The following NLE1 variants were observed in gnomAD, a reference collection of about 807,000 sequenced individuals.
NLE1 encodes the protein notchless homolog 1.
In NLE1, 37 loss-of-function variants were observed where a neutral mutation model predicts 62.8. The ratio of observed to expected loss-of-function variants is 0.59; its 90% CI spans 0.45 to 0.78. The LOEUF is 0.78. NLE1 is among the 30% of genes least tolerant of loss of function. The pLI is 0.00. For missense variants in NLE1, 555 were observed against 637.9 expected (o/e 0.87, Z 1.40); for synonymous variants, 243 against 253.0 (o/e 0.96, Z 0.37).
At chr17:35,136,838 C>CACCA (rs2091911754) in intron 7 of NLE1, among the ~76,000 whole-genome samples, 163 bp downstream of exon 7, 1 of 152,270 alleles carries the variant, frequency 6.6e-6, no homozygotes, top group South Asian at 2.1e-4. Context: ...TATGGTGCAG[C>CACCA]ACCAACCACA....
intron 2 of NLE1, among the ~76,000 whole-genome samples, chr17:35,141,023 G>T (rs1306299212): frequency 1.3e-5 from 2 of 152,162 alleles, no homozygotes; most frequent in East Asian, 3.8e-4. Context: ...ATTAATTCAG[G>T]TTCTTTACGT....
At chr17:35,132,482 T>C in intron 12 of NLE1, 33 bp from the exon 13 acceptor site, 2 of 1,361,220 alleles carry the variant, frequency 1.5e-6, no homozygotes, top group Non-Finnish European at 1.9e-6. Context: ...AGGATGGGGA[T>C]TCCACCTTAG....
At position 35,129,532 on chromosome 17, in the gene NLE1, A is replaced by G; in HGVS notation, c.*2905T>C. ...AGTTGCCCGAGGCAAAGAATCGTCC[A>G]TGGATCTTCAACAAGATTTTGGGCA... On this transcript the variant is annotated 3_prime_UTR_variant, in exon 13 of 13. Coordinates refer to ENST00000442241, the MANE Select transcript of NLE1 (RefSeq NM_018096.5). 4 of 1,614,232 alleles carry G rather than the reference A, an allele frequency of 2.5e-6. No individual in the cohort carries two copies. Among genetic ancestry groups the G allele is most frequent in the Non-Finnish European group, 2.5e-6 (3 of 1,180,040 alleles).
rs1567741831 is a variant in NLE1, at chr17:35,129,887, C to T, written c.*2550G>A. ...CAAACGAATGTATTTTTCAACATCA[C>T]TATAATGTTCCCCTTCCAAAGCCAT... On this transcript the variant is annotated 3_prime_UTR_variant, in exon 13 of 13. Coordinates refer to ENST00000442241, the MANE Select transcript of NLE1 (RefSeq NM_018096.5). 7.1e-7 allele frequency: 1 copy of T among 1,408,426 alleles called. No individual in the cohort carries two copies. Among genetic ancestry groups the T allele is most frequent in the South Asian group, 1.6e-5 (1 of 63,488 alleles). The allele number at this position is 1,408,426 out of a possible 1,614,324, so 87.2% of individuals were successfully genotyped here. A position where few individuals can be genotyped will look rare whatever the true frequency, so the allele number is the denominator to read the frequency against.
Position 35,137,596 on chromosome 17 carries a change from G to T in NLE1, c.582C>A (p.Thr194=). The T allele has an allele frequency of 6.2e-7, 1 of 1,610,812 alleles. No homozygotes were observed. The highest frequency in any genetic ancestry group is 8.5e-7 in the Non-Finnish European group (1 of 1,179,998). Residue 194 remains threonine, a synonymous_variant, in exon 6 of 13, where the codon ACC becomes ACA. Coordinates refer to ENST00000442241, the MANE Select transcript of NLE1 (RefSeq NM_018096.5). ...TGATCCACTTGCTGTGGCCAGCGAGGGTCCTGCCCACCTGCTTCCCTGTGC... is the reference window on the plus strand; with the variant it reads ...TGATCCACTTGCTGTGGCCAGCGAGTGTCCTGCCCACCTGCTTCCCTGTGC... The part of the protein sequence containing the change: ...DPSTGKQVGR[T]LAGHSKWITG...
chr17:35,135,566 C>A (rs530569639), intron 9 of NLE1, 115 bp from the exon 10 acceptor site: 1 of 900,106 alleles, frequency 1.1e-6, no homozygotes, highest in East Asian at 2.6e-5. Flanking sequence ...CAGAGAGAGG[C>A]CAGCGCTAGG....
rs757377728 is a variant in NLE1, at chr17:35,133,176, G to A, written c.1440C>T (p.Leu480=). The A allele has an allele frequency of 3.2e-5, 52 of 1,613,990 alleles. No homozygotes were observed. Among genetic ancestry groups the A allele is most frequent in the Non-Finnish European group, 4.0e-5 (47 of 1,179,990 alleles). The change falls in exon 12 of 13, where the codon CTC becomes CTT. Residue 480 remains leucine, a synonymous_variant. Transcript: ENST00000442241. ...RVASGGKDKC[L]RIWRR ...ACCACTTCCCCCACACTCACATCCG[G>A]AGGCATTTGTCCTTCCCACCACTTG...
Position 35,136,407 on chromosome 17 carries a change from C to G in NLE1, c.919G>C (p.Glu307Gln). 2 of 1,614,130 alleles carry G rather than the reference C, an allele frequency of 1.2e-6. No homozygotes were observed. Among genetic ancestry groups the G allele is most frequent in the Non-Finnish European group, 1.7e-6 (2 of 1,179,972 alleles). The change falls in exon 8 of 13, where the codon GAA (glutamate) becomes CAA (glutamine). Residue 307 changes from glutamate (E) to glutamine (Q), a missense_variant. Glu to Gln is a conservative substitution (Grantham distance 29). Coordinates refer to ENST00000442241, the MANE Select transcript of NLE1 (RefSeq NM_018096.5). ...GGATTAACTGAGGCCTCAGCAGGTT[C>G]AAAGGCCCCAGTGCGCAGGGCATAG... ...TDYALRTGAF[E>Q]PAEASVNPQD...
chr17:35,129,914 G>A lies in NLE1; in HGVS notation c.*2523C>T. 7.2e-7 allele frequency: 1 copy of A among 1,392,400 alleles called. No individual in the cohort carries two copies. 86.3% of individuals were successfully genotyped at this position (1,392,400 alleles called of 1,614,324 possible). ...ATAATGTTCCCCTTCCAAAGCCATT[G>A]GTTTTTAGACTCTGCAATTCAGTGC... On this transcript the variant is annotated 3_prime_UTR_variant, in exon 13 of 13. Transcript: ENST00000442241.
rs767394830 is a variant in NLE1, at chr17:35,132,444, C to CACAGAGGAG, written c.1450_1451insCTCCTCTGT (p.Arg484delinsThrProLeuTrp). On this transcript the variant is annotated protein_altering_variant, in exon 13 of 13. Coordinates refer to ENST00000442241, the MANE Select transcript of NLE1 (RefSeq NM_018096.5). ...AGAGAACTTCGGGCCGTCTCATCTC[C>CACAGAGGAG]TCCATCTGTGGAGAAGGGAAGGGTG... The CACAGAGGAG allele has an allele frequency of 1.6e-5, 23 of 1,422,340 alleles. No individual in the cohort carries two copies. The highest frequency in any genetic ancestry group is 2.0e-5 in the Non-Finnish European group (22 of 1,085,006). The allele number at this position is 1,422,340 out of a possible 1,614,324, so 88.1% of individuals were successfully genotyped here.
chr17:35,137,083 A>G lies in NLE1; in HGVS notation c.746T>C (p.Val249Ala), dbSNP rs1194278228. ...ERILTGHTQS[V>A]TCLRWGGDGL... is the part of the protein sequence containing the mutation. ...GTCCCCTCCCCACCGGAGACAGGTG[A>G]CCGACTGGGTGTGCCCGGTGAGGAT... The change falls in exon 7 of 13, where the codon GTC becomes GCC. Residue 249 changes from valine (V) to alanine (A), a missense_variant. Transcript: ENST00000442241. 1 of 1,613,972 alleles carries G rather than the reference A, an allele frequency of 6.2e-7. No homozygotes were observed.
intron 10 of NLE1, among the ~76,000 whole-genome samples, chr17:35,134,435 T>C (rs1449837927): frequency 1.3e-5 from 2 of 152,114 alleles, no homozygotes; most frequent in Admixed American, 6.5e-5. Context: ...AGTATCACTC[T>C]GTTGCCCAGG....
In NLE1 at chr17:35,129,400, T is replaced by G; in HGVS notation, c.*3037A>C. On this transcript the variant is annotated 3_prime_UTR_variant, in exon 13 of 13. Coordinates refer to ENST00000442241, the MANE Select transcript of NLE1 (RefSeq NM_018096.5). ...AGGACAGGACATATCTGAGGAAGCC[T>G]CGGGGCTCTCTCTTCCCCTAGATTT... is the stretch of plus-strand genomic sequence containing the variant. 4 of 1,610,224 alleles carry G rather than the reference T, an allele frequency of 2.5e-6. No homozygotes were observed. Among genetic ancestry groups the G allele is most frequent in the Non-Finnish European group, 3.4e-6 (4 of 1,177,240 alleles).
Position 35,139,881 on chromosome 17 carries a change from T to G in NLE1, c.348A>C (p.Ala116=). The G allele has an allele frequency of 6.2e-7, 1 of 1,613,806 alleles. No homozygotes were observed. Among genetic ancestry groups the G allele is most frequent in the Non-Finnish European group, 8.5e-7 (1 of 1,180,026 alleles). The part of the protein sequence containing the change: ...CTSSLEGHSE[A]VISVAFSPTG... ...TAGGGCTGAAGGCCACAGAAATGACTGCCTCACTGTGACCCTCCAAGGAGC... is the reference window on the plus strand; with the variant it reads ...TAGGGCTGAAGGCCACAGAAATGACGGCCTCACTGTGACCCTCCAAGGAGC... The change falls in exon 3 of 13, where the codon GCA becomes GCC. Residue 116 remains alanine, a synonymous_variant. Transcript: ENST00000442241.
At chr17:35,133,042 C>T (rs1165722952) in intron 12 of NLE1, 129 bp downstream of exon 12, 15 of 891,548 alleles carry the variant, frequency 1.7e-5, no homozygotes, top group Admixed American at 4.0e-5. Flanking sequence ...TGGCTCCACA[C>T]GCCTCCTCAA....
Position 35,139,886 on chromosome 17 carries a change from C to T in NLE1, c.343G>A (p.Glu115Lys), listed in dbSNP as rs2091932134. The change falls in exon 3 of 13, where the codon GAG becomes AAG. Residue 115 changes from glutamate (E) to lysine (K), a missense_variant. Physicochemically the swap from Glu to Lys is moderately conservative, Grantham distance 56. Coordinates refer to ENST00000442241, the MANE Select transcript of NLE1 (RefSeq NM_018096.5). ...CTGAAGGCCACAGAAATGACTGCCT[C>T]ACTGTGACCCTCCAAGGAGCTGGTG... is the stretch of plus-strand genomic sequence containing the variant. ...RCTSSLEGHS[E>K]AVISVAFSPT... 1 of 1,613,786 alleles carries T rather than the reference C, an allele frequency of 6.2e-7. No homozygotes were observed. The highest frequency in any genetic ancestry group is 8.5e-7 in the Non-Finnish European group (1 of 1,180,034).
In NLE1 at chr17:35,139,881, T is replaced by A; in HGVS notation, c.348A>T (p.Ala116=). 1 of 1,613,806 alleles carries A rather than the reference T, an allele frequency of 6.2e-7. No homozygotes were observed. Among genetic ancestry groups the A allele is most frequent in the Non-Finnish European group, 8.5e-7 (1 of 1,180,026 alleles). The change falls in exon 3 of 13, where the codon GCA becomes GCT. Residue 116 remains alanine, a synonymous_variant. Transcript: ENST00000442241. ...CTSSLEGHSE[A]VISVAFSPTG... ...TAGGGCTGAAGGCCACAGAAATGAC[T>A]GCCTCACTGTGACCCTCCAAGGAGC...
intron 10 of NLE1, chr17:35,134,903 T>C (rs1198605129): frequency 2.6e-6 from 1 of 381,956 alleles, no homozygotes; most frequent in Admixed American, 3.5e-5. Context: ...AATACAAAAA[T>C]TAGCCAGGCA....
chr17:35,128,814 A>G lies in NLE1; in HGVS notation c.*3623T>C. On this transcript the variant is annotated 3_prime_UTR_variant, in exon 13 of 13. Coordinates refer to ENST00000442241, the MANE Select transcript of NLE1 (RefSeq NM_018096.5). Reference sequence around the variant, plus strand: ...TTGTAATATATAATGAAATAATTATACAACTCACCATAATGTAGAAACTGT... The same window carrying G: ...TTGTAATATATAATGAAATAATTATGCAACTCACCATAATGTAGAAACTGT... The G allele has an allele frequency of 5.9e-6, 1 of 169,146 alleles. No homozygotes were observed. The highest frequency in any genetic ancestry group is 1.8e-4 in the South Asian group (1 of 5,566). The allele number at this position is 169,146 out of a possible 1,614,324, so 10.5% of individuals were successfully genotyped here. A position where few individuals can be genotyped will look rare whatever the true frequency, so the allele number is the denominator to read the frequency against.
Sources: gnomAD v4.1 joint callset for allele counts (sites outside exome capture counted in the v4.1 genomes callset) on GRCh38, gnomAD v4.1.1 for gene constraint, MANE v1.5 for transcripts, NCBI Gene and HGNC (gene_info 2026-07-23, HGNC 2026-07-21) for gene names.